Variants in GRK4 observed in about 807,000 individuals in gnomAD.
GRK4 encodes the protein G protein-coupled receptor kinase 2-like.
GRK4 carries 73 observed loss-of-function variants against 77.9 expected under a neutral mutation model. The observed-to-expected ratio is 0.94, with a 90% CI of 0.78 to 1.14. The LOEUF is 1.14. Ranked by LOEUF, GRK4 falls within the 50% of genes most tolerant of loss-of-function variation. The pLI, the probability that GRK4 is intolerant of heterozygous loss-of-function variation, is 0.00. For synonymous variants in GRK4, 257 were observed against 254.4 expected, an observed-to-expected ratio of 1.01 and a Z score of -0.10; for missense variants, 729 against 700.2, an observed-to-expected ratio of 1.04 and a Z score of -0.46.
At chr4:2,981,808 C>T (rs1252156692) in intron 1 of GRK4, among the ~76,000 whole-genome samples, 2 of 152,258 alleles carry the variant, frequency 1.3e-5, no homozygotes, top group African/African-American at 2.4e-5. Flanking sequence ...AGCCTGTCTG[C>T]CTCCTGCCCT....
chr4:3,026,762 C>A (rs1737690804), intron 10 of GRK4, among the ~76,000 whole-genome samples: 1 of 152,234 alleles, frequency 6.6e-6, no homozygotes, highest in South Asian at 2.1e-4. Context: ...TGGTGTATCA[C>A]GTGCATGCAT....
intron 1 of GRK4, among the ~76,000 whole-genome samples, chr4:2,970,656 CA>C (rs929303208): frequency 0.011 from 1,306 of 119,914 alleles, 9 homozygotes; most frequent in East Asian, 0.038. Context: ...GACTCCATCT[CA>C]AAAAAAAAAA....
intron 10 of GRK4, among the ~76,000 whole-genome samples, chr4:3,024,689 G>A (rs1247034992): frequency 6.6e-6 from 1 of 151,886 alleles, no homozygotes; most frequent in African/African-American, 2.4e-5. Context: ...GTGAAACCCT[G>A]TCTCTACTAA....
chr4:3,011,054 A>G (rs561560059), intron 7 of GRK4, among the ~76,000 whole-genome samples: 2 of 152,346 alleles, frequency 1.3e-5, no homozygotes, highest in East Asian at 3.9e-4. Context: ...CTCTGTTTGA[A>G]TATGTCCTAG....
intron 1 of GRK4, among the ~76,000 whole-genome samples, chr4:2,982,383 AT>A (rs1362974177): frequency 1.3e-5 from 2 of 152,264 alleles, no homozygotes; most frequent in African/African-American, 4.8e-5. Flanking sequence ...CCAGGCTGCC[AT>A]GTTTCTTGCT....
At chr4:3,016,857 C>T (rs1375200488) in intron 8 of GRK4, among the ~76,000 whole-genome samples, 1 of 152,180 alleles carries the variant, frequency 6.6e-6, no homozygotes, top group Non-Finnish European at 1.5e-5. Context: ...ATTTCTATAT[C>T]GTTGGCCTCT....
At chr4:2,997,488 G>A (rs1010754215) in intron 4 of GRK4, among the ~76,000 whole-genome samples, 1 of 152,120 alleles carries the variant, frequency 6.6e-6, no homozygotes, top group Non-Finnish European at 1.5e-5. Flanking sequence ...ACGTCAACAT[G>A]AGCTTTGAGG....
rs187099624 is a variant in GRK4, at chr4:2,977,341, A to G, written c.53-7172A>G. Among the ~76,000 whole-genome samples, 585 of 152,330 alleles carry G rather than the reference A, an allele frequency of 3.8e-3. 1 individual carries two copies. The highest frequency in any genetic ancestry group is 6.8e-3 in the Middle Eastern group (2 of 294). ...TGTGTGTGCTGCCTCTTGAGTTATC[A>G]TCACAGACAACACTGAACTAAATGT... On this transcript the variant is annotated intron_variant, in intron 1 of 15. Coordinates refer to ENST00000398052, the MANE Select transcript of GRK4 (RefSeq NM_182982.3).
At chr4:2,983,349 T>C (rs1445130330) in intron 1 of GRK4, among the ~76,000 whole-genome samples, 6 of 152,224 alleles carry the variant, frequency 3.9e-5, no homozygotes. Context: ...AGCCATTATG[T>C]TCTCCTGGAT....
intron 1 of GRK4, among the ~76,000 whole-genome samples, chr4:2,970,337 C>CA (rs960585178): frequency 2.6e-5 from 4 of 152,118 alleles, no homozygotes; most frequent in Non-Finnish European, 5.9e-5. Context: ...ACTTTAGGAC[C>CA]AAAAATATCT....
At chr4:2,999,359 G>A (rs962487576) in intron 4 of GRK4, among the ~76,000 whole-genome samples, 7 of 152,102 alleles carry the variant, frequency 4.6e-5, no homozygotes, top group Middle Eastern at 3.2e-3. Context: ...CATTCCTGAG[G>A]GGCAGAGTCC....
intron 7 of GRK4, among the ~76,000 whole-genome samples, chr4:3,012,574 T>C (rs550521285): frequency 4.9e-4 from 75 of 152,238 alleles, no homozygotes; most frequent in Non-Finnish European, 9.7e-4. Context: ...TCATGTCTTA[T>C]GTTTGCTTTT....
intron 12 of GRK4, among the ~76,000 whole-genome samples, chr4:3,031,288 A>C (rs1326290542): frequency 2.6e-5 from 4 of 152,072 alleles, no homozygotes; most frequent in African/African-American, 9.7e-5. Flanking sequence ...TTTTTCTCAG[A>C]TGGTCAGCCC....
At chr4:2,989,026 C>T (rs762521034) in intron 3 of GRK4, among the ~76,000 whole-genome samples, 187 bp downstream of exon 3, 33 of 152,020 alleles carry the variant, frequency 2.2e-4, no homozygotes, top group Admixed American at 7.2e-4. Context: ...TACTAAAATA[C>T]AAAAAGTTAG....
At chr4:3,011,392 G>A (rs1298889135) in intron 7 of GRK4, among the ~76,000 whole-genome samples, 1 of 152,078 alleles carries the variant, frequency 6.6e-6, no homozygotes, top group Non-Finnish European at 1.5e-5. Context: ...ATCAGCCTAG[G>A]CAACATGGCA....
At position 3,028,031 on chromosome 4, in the gene GRK4, CT is replaced by C. The variant is rs755078717; in HGVS notation, c.1060+33del. The C allele has an allele frequency of 4.4e-6, 7 of 1,600,190 alleles. No homozygotes were observed. The South Asian group carries it at 7.7e-5, about 18-fold the overall frequency. ...GTGAGAGGCTTTCGGCGTCCTTGTC[CT>C]TTCTATCCGGGTGCCTGAGTGCCTC... On this transcript the variant is annotated intron_variant, in intron 11 of 15. Coordinates refer to ENST00000398052, the MANE Select transcript of GRK4 (RefSeq NM_182982.3).
Position 3,007,741 on chromosome 4 carries a change from C to G in GRK4, c.449C>G (p.Ala150Gly), listed in dbSNP as rs571314364. 5.1e-6 allele frequency: 8 copies of G among 1,583,594 alleles called. No homozygotes were observed. Among genetic ancestry groups the G allele is most frequent in the East Asian group, 2.2e-5 (1 of 44,488 alleles). ...KKAFEECTRV[A>G]HNYLRGEPFE... ...TTTAAAAAATCTTTTTCTAGAGTTG[C>G]CCATAACTACCTAAGAGGGGAACCA... Residue 150 changes from alanine (A) to glycine (G), a missense_variant, in exon 6 of 16, where the codon GCC (alanine) becomes GGC (glycine). Physicochemically the swap from Ala to Gly is moderately conservative, Grantham distance 60. Coordinates refer to ENST00000398052, the MANE Select transcript of GRK4 (RefSeq NM_182982.3).
intron 15 of GRK4, among the ~76,000 whole-genome samples, chr4:3,039,299 A>AGTGTCTCT (rs1447171280): frequency 1.3e-5 from 2 of 152,126 alleles, no homozygotes; most frequent in Non-Finnish European, 1.5e-5. Context: ...TTCCATGCAA[A>AGTGTCTCT]GTGTCTCTCC....
At chr4:3,036,939 G>T (rs547187987) in intron 13 of GRK4, among the ~76,000 whole-genome samples, 1 of 152,284 alleles carries the variant, frequency 6.6e-6, no homozygotes, top group South Asian at 2.1e-4. Flanking sequence ...CTCCGGTTCT[G>T]TGCTGCATCT....
Sources: gnomAD v4.1 joint callset for allele counts (sites outside exome capture counted in the v4.1 genomes callset) on GRCh38, gnomAD v4.1.1 for gene constraint, MANE v1.5 for transcripts, NCBI Gene and HGNC (gene_info 2026-07-23, HGNC 2026-07-21) for gene names.